The following ATG12 variants were observed in gnomAD, a reference collection of about 807,000 sequenced individuals.
ATG12 encodes the protein ubiquitin-like protein ATG12.
In ATG12, 19 loss-of-function variants were observed where a neutral mutation model predicts 17.6. The observed-to-expected ratio is 1.08, with a 90% CI of 0.75 to 1.58. The LOEUF (loss-of-function observed/expected upper bound fraction) is 1.58, where lower values mean the gene tolerates loss of function less well. Among genes scored for constraint, ATG12 ranks in the 40% most tolerant of loss-of-function variants. The pLI is 0.00. For missense variants in ATG12, 214 were observed against 162.0 expected (o/e 1.32, Z -1.74); for synonymous variants, 75 against 62.4 (o/e 1.20, Z -0.95).
intron 1 of ATG12, chr5:115,839,330 T>C (rs1228678778): frequency 3.3e-5 from 4 of 119,600 alleles, no homozygotes; most frequent in African/African-American, 1.5e-4. Context: ...GATCTTTATC[T>C]TCCTACTAAA....
intron 2 of ATG12, among the ~76,000 whole-genome samples, chr5:115,837,068 C>G (rs977778674): frequency 1.5e-4 from 23 of 152,158 alleles, no homozygotes; most frequent in African/African-American, 5.1e-4. Context: ...TATTGCAATG[C>G]TCTATGATAG....
intron 1 of ATG12, chr5:115,840,756 G>A (rs1463919509): frequency 2.5e-6 from 3 of 1,178,742 alleles, no homozygotes; most frequent in African/African-American, 3.2e-5. Flanking sequence ...CTTTTACAAA[G>A]GGAAACATTC....
intron 1 of ATG12, chr5:115,839,100 G>T (rs1003306093): frequency 7.0e-6 from 1 of 143,388 alleles, no homozygotes; most frequent in African/African-American, 2.7e-5. Context: ...TCCAGCCTGG[G>T]TGACAGACTG....
rs1432112974 is a variant in ATG12 at position 115,829,390 on chromosome 5, C to G, written c.*2414G>C. The G allele has an allele frequency of 2.6e-5, 4 of 152,324 alleles. No individual in the cohort carries two copies. Among genetic ancestry groups the G allele is most frequent in the Non-Finnish European group, 5.9e-5 (4 of 68,028 alleles). 9.4% of individuals were successfully genotyped at this position (152,324 alleles called of 1,614,324 possible). ...AAGGTCCCTTTAGGACTGAAACTTA[C>G]AGAAATCAGATTCCAGGAATTATCC... On this transcript the variant is annotated 3_prime_UTR_variant, in exon 4 of 4. Coordinates refer to ENST00000509910, the MANE Select transcript of ATG12 (RefSeq NM_004707.4).
intron 1 of ATG12, chr5:115,838,506 ACACATT>A (rs1190436363): frequency 6.6e-6 from 1 of 152,206 alleles, no homozygotes; most frequent in Non-Finnish European, 1.5e-5. Flanking sequence ...ACCATCACAA[ACACATT>A]CACATAAATA....
In ATG12 at chr5:115,841,489, G is replaced by GTCCTTCC; in HGVS notation, c.57_63dup (p.Leu22GlyfsTer37). The GTCCTTCC allele has an allele frequency of 2.5e-6, 4 of 1,612,100 alleles. No homozygotes were observed. Among genetic ancestry groups the GTCCTTCC allele is most frequent in the Non-Finnish European group, 3.4e-6 (4 of 1,179,426 alleles). On this transcript the variant is annotated frameshift_variant, in exon 1 of 4. Transcript: ENST00000509910. LOFTEE classifies it high-confidence loss of function. ...GTTGTTTCTGGGGAGACATCCGTAA[G>GTCCTTCC]TCCTTCCCCTCCAGCAGCAATTGAA...
intron 2 of ATG12, chr5:115,833,771 G>A (rs754857061): frequency 2.0e-5 from 3 of 152,282 alleles, no homozygotes; most frequent in Non-Finnish European, 2.9e-5. Context: ...AGAAAACAAT[G>A]TGCATTATAA....
Position 115,841,476 on chromosome 5 carries a change from G to GA in ATG12, c.76dup (p.Ser26PhefsTer31). The GA allele has an allele frequency of 6.2e-7, 1 of 1,611,554 alleles. No individual in the cohort carries two copies. Among genetic ancestry groups the GA allele is most frequent in the South Asian group, 1.1e-5 (1 of 90,966 alleles). ...GGGCTCCGGGGTGGTTGTTTCTGGG[G>GA]AGACATCCGTAAGTCCTTCCCCTCC... On this transcript the variant is annotated frameshift_variant, in exon 1 of 4. Transcript: ENST00000509910. LOFTEE classifies it high-confidence loss of function.
intron 1 of ATG12, chr5:115,840,488 G>C (rs1761345961): frequency 1.9e-6 from 1 of 518,442 alleles, no homozygotes; most frequent in African/African-American, 2.1e-5. Flanking sequence ...AGTAGAGATG[G>C]AGTCTTACCA....
intron 2 of ATG12, chr5:115,834,467 A>C (rs554216928): frequency 6.6e-6 from 1 of 152,348 alleles, no homozygotes; most frequent in Non-Finnish European, 1.5e-5. Context: ...ATTCCATGGA[A>C]GTATTATTTC....
At chr5:115,835,718 C>T (rs1761066700) in intron 2 of ATG12, among the ~76,000 whole-genome samples, 1 of 152,086 alleles carries the variant, frequency 6.6e-6, no homozygotes, top group Non-Finnish European at 1.5e-5. Flanking sequence ...ACTTTACTTC[C>T]CGGTCAGGAT....
chr5:115,841,090 C>T, intron 1 of ATG12: 1 of 348,960 alleles, frequency 2.9e-6, no homozygotes, highest in Admixed American at 4.2e-5. Flanking sequence ...CTCCCCCCGC[C>T]CCACTCAGCT....
At chr5:115,836,613 C>T (rs116327809) in intron 2 of ATG12, among the ~76,000 whole-genome samples, 2,777 of 152,222 alleles carry the variant, frequency 0.018, 87 homozygotes, top group African/African-American at 0.061. Context: ...TACCCATGCA[C>T]ACGCCTGTGT....
At position 115,828,949 on chromosome 5, in the gene ATG12, C is replaced by A. The variant is rs1332278015; in HGVS notation, c.*2855G>T. 6.6e-6 allele frequency: 1 copy of A among 152,074 alleles called. No homozygotes were observed. The highest frequency in any genetic ancestry group is 6.6e-5 in the Admixed American group (1 of 15,256). 9.4% of individuals were successfully genotyped at this position (152,074 alleles called of 1,614,324 possible). A position where few individuals can be genotyped will look rare whatever the true frequency, so the allele number is the denominator to read the frequency against. On this transcript the variant is annotated 3_prime_UTR_variant, in exon 4 of 4. Coordinates refer to ENST00000509910, the MANE Select transcript of ATG12 (RefSeq NM_004707.4). ...TAAAAAGTTAAAATCTGAATCAGGC[C>A]TTGAAGAAGAGTTAGGATTTGAAAG...
chr5:115,828,543 C>T lies in ATG12; in HGVS notation c.*3261G>A, dbSNP rs1343933674. 1 of 152,018 alleles carries T rather than the reference C, an allele frequency of 6.6e-6. No individual in the cohort carries two copies. The highest frequency in any genetic ancestry group is 1.5e-5 in the Non-Finnish European group (1 of 67,980). 9.4% of individuals were successfully genotyped at this position (152,018 alleles called of 1,614,324 possible). ...GTGAATCGAAATTTGGTATGTTTTG[C>T]CTATTTTTCAGTTGGTCTTTTCTTA... On this transcript the variant is annotated 3_prime_UTR_variant, in exon 4 of 4. Coordinates refer to ENST00000509910, the MANE Select transcript of ATG12 (RefSeq NM_004707.4).
chr5:115,837,531 G>A (rs1417796903), intron 2 of ATG12, 97 bp downstream of exon 2: 1 of 1,263,412 alleles, frequency 7.9e-7, no homozygotes, highest in African/African-American at 1.5e-5. Flanking sequence ...AGCGACATAT[G>A]TGGCTCCATA....
At chr5:115,839,544 A>C (rs943601527) in intron 1 of ATG12, 1 of 152,228 alleles carries the variant, frequency 6.6e-6, no homozygotes, top group African/African-American at 2.4e-5. Flanking sequence ...CCAAGGATGA[A>C]GTGTAAGACA....
intron 2 of ATG12, chr5:115,835,090 CTTT>C (rs1213405076): frequency 6.6e-6 from 1 of 151,530 alleles, no homozygotes. Context: ...AAATAATTTT[CTTT>C]TATTTCTAAT....
chr5:115,831,605 T>C lies in ATG12; in HGVS notation c.*199A>G. Reference sequence around the variant, plus strand: ...GTACTATCATGACCATCTTTTATGATGACTGGTGCATTAATACAAATCACA... The same window carrying C: ...GTACTATCATGACCATCTTTTATGACGACTGGTGCATTAATACAAATCACA... On this transcript the variant is annotated 3_prime_UTR_variant, in exon 4 of 4. Coordinates refer to ENST00000509910, the MANE Select transcript of ATG12 (RefSeq NM_004707.4). 4 of 620,216 alleles carry C rather than the reference T, an allele frequency of 6.4e-6. No homozygotes were observed. Among genetic ancestry groups the C allele is most frequent in the Non-Finnish European group, 1.1e-5 (4 of 350,888 alleles). The allele number at this position is 620,216 out of a possible 1,614,324, so 38.4% of individuals were successfully genotyped here. A position where few individuals can be genotyped will look rare whatever the true frequency, so the allele number is the denominator to read the frequency against.
Sources: gnomAD v4.1 joint callset for allele counts (sites outside exome capture counted in the v4.1 genomes callset) on GRCh38, gnomAD v4.1.1 for gene constraint, MANE v1.5 for transcripts, NCBI Gene and HGNC (gene_info 2026-07-23, HGNC 2026-07-21) for gene names.